The following COG5 variants were observed in gnomAD, a reference collection of about 807,000 sequenced individuals.
The protein encoded by COG5 is component of oligomeric golgi complex 5.
In COG5, 86 loss-of-function variants were observed where a neutral mutation model predicts 110.4. That is an observed-to-expected ratio of 0.78 (90% CI 0.65 to 0.93). The LOEUF (loss-of-function observed/expected upper bound fraction) is 0.93. Among genes scored for constraint, COG5 ranks in the 40% least tolerant of loss-of-function variants. The pLI, the probability that COG5 is intolerant of heterozygous loss-of-function variation, is 0.00. For missense variants in COG5, 1,077 were observed against 987.0 expected, an observed-to-expected ratio of 1.09 and a Z score of -1.22; for synonymous variants, 360 against 334.6, an observed-to-expected ratio of 1.08 and a Z score of -0.83.
At chr7:107,537,611 TA>T (rs1397806668) in intron 5 of COG5, among the ~76,000 whole-genome samples, 2 of 151,794 alleles carry the variant, frequency 1.3e-5, no homozygotes, top group Non-Finnish European at 2.9e-5. Flanking sequence ...GGGGGAGGGA[TA>T]GCATTAGAAG....
At chr7:107,391,980 A>G (rs1274349734) in intron 7 of COG5, among the ~76,000 whole-genome samples, 2 of 152,164 alleles carry the variant, frequency 1.3e-5, no homozygotes, top group Non-Finnish European at 2.9e-5. Context: ...AGTCCCAGCT[A>G]CTTGGGAGGC....
chr7:107,216,948 T>C (rs139474642), intron 19 of COG5, among the ~76,000 whole-genome samples: 12 of 152,110 alleles, frequency 7.9e-5, no homozygotes, highest in Non-Finnish European at 1.3e-4. Context: ...AAAGAGTTTT[T>C]TGAAAAGTTA....
At chr7:107,353,373 C>T (rs796107398) in intron 10 of COG5, among the ~76,000 whole-genome samples, 55 of 142,614 alleles carry the variant, frequency 3.9e-4, no homozygotes, top group African/African-American at 1.4e-3. Flanking sequence ...TGCAGTGAGC[C>T]GAGATCCCGC....
chr7:107,559,064 T>A (rs1803570583), intron 1 of COG5, among the ~76,000 whole-genome samples: 1 of 151,880 alleles, frequency 6.6e-6, no homozygotes, highest in Non-Finnish European at 1.5e-5. Context: ...TATCTCTAGA[T>A]CAATACACAA....
At chr7:107,441,483 G>C (rs1373284583) in intron 6 of COG5, among the ~76,000 whole-genome samples, 1 of 152,086 alleles carries the variant, frequency 6.6e-6, no homozygotes, top group Non-Finnish European at 1.5e-5. Context: ...GAACATAAAG[G>C]AGAGAGCAGA....
chr7:107,257,024 T>C lies in COG5; in HGVS notation c.1687-230A>G, dbSNP rs530162996. Among the ~76,000 whole-genome samples the C allele has an allele frequency of 2.0e-5, 3 of 152,272 alleles. No homozygotes were observed. The East Asian group carries it at 5.8e-4, about 29-fold the overall frequency. On this transcript the variant is annotated intron_variant, in intron 15 of 21. Transcript: ENST00000297135. The stretch of plus-strand genomic sequence containing the variant: ...TACTTCAAATAACATTAATAAATAC[T>C]AAGAGCTAGGTTTCCTTTATTCATG...
At chr7:107,347,228 A>C (rs1205933694) in intron 10 of COG5, among the ~76,000 whole-genome samples, 2 of 152,186 alleles carry the variant, frequency 1.3e-5, no homozygotes, top group Admixed American at 6.5e-5. Flanking sequence ...GTATGATCCT[A>C]ATCAGGAAAA....
At chr7:107,206,139 T>C (rs1485700452) in intron 21 of COG5, among the ~76,000 whole-genome samples, 2 of 152,104 alleles carry the variant, frequency 1.3e-5, no homozygotes, top group African/African-American at 4.8e-5. Context: ...TTTTTTGTAT[T>C]TTTAGTAGAG....
intron 7 of COG5, among the ~76,000 whole-genome samples, chr7:107,390,575 T>C (rs1052648153): frequency 6.6e-6 from 1 of 151,816 alleles, no homozygotes; most frequent in Non-Finnish European, 1.5e-5. Flanking sequence ...ACAGCAGATG[T>C]AAAGCAACTT....
At chr7:107,217,219 C>T (rs1799595154) in intron 19 of COG5, among the ~76,000 whole-genome samples, 1 of 151,746 alleles carries the variant, frequency 6.6e-6, no homozygotes, top group African/African-American at 2.4e-5. Flanking sequence ...CTGAGCAGAC[C>T]AATAATGAGT....
At chr7:107,210,113 C>T in intron 21 of COG5, 1 of 1,055,422 alleles carries the variant, frequency 9.5e-7, no homozygotes, top group Non-Finnish European at 1.1e-6. Flanking sequence ...GTTTCCTCCT[C>T]AGAACTGTTT....
chr7:107,274,780 C>G (rs977792167), intron 14 of COG5, among the ~76,000 whole-genome samples: 8 of 152,110 alleles, frequency 5.3e-5, no homozygotes, highest in Non-Finnish European at 2.9e-5. Context: ...AGACTTTGAC[C>G]TGCTTTAACT....
chr7:107,243,533 AT>A lies in COG5; in HGVS notation c.1853+4862del, dbSNP rs1357932237. The stretch of plus-strand genomic sequence containing the variant: ...TCTCAAAAAAAAAAAAAAAAAAAAA[AT>A]CTCAAAGACCTTCAAAGACTCCCAC... On this transcript the variant is annotated intron_variant, in intron 17 of 21. Transcript: ENST00000297135. 1.2e-4 allele frequency among the ~76,000 whole-genome samples: 18 copies of A among 146,880 alleles called. No homozygotes were observed. The East Asian group carries it at 3.4e-3, about 28-fold the overall frequency.
chr7:107,534,507 G>A (rs1801439394), intron 5 of COG5, among the ~76,000 whole-genome samples: 1 of 149,524 alleles, frequency 6.7e-6, no homozygotes, highest in East Asian at 1.9e-4. Context: ...AAAAAAAAGT[G>A]GGGGTTGCAA....
At chr7:107,345,683 T>C (rs1350591372) in intron 10 of COG5, among the ~76,000 whole-genome samples, 1 of 152,206 alleles carries the variant, frequency 6.6e-6, no homozygotes, top group South Asian at 2.1e-4. Context: ...ACTATTTTTG[T>C]ACTGTACACT....
rs375170450 is a variant in COG5 at position 107,360,864 on chromosome 7, C to T, written c.1026+1169G>A. Among the ~76,000 whole-genome samples, 5 of 152,302 alleles carry T rather than the reference C, an allele frequency of 3.3e-5. 1 individual carries two copies. The South Asian group carries it at 1.0e-3, about 32-fold the overall frequency. On this transcript the variant is annotated intron_variant, in intron 10 of 21. Coordinates refer to ENST00000297135, the MANE Select transcript of COG5 (RefSeq NM_006348.5). ...GGCTGGTAGTGTGAGCCAAGTGCAA[C>T]CTGCTAGGCCAAGAGGGCGGAACGA...
intron 11 of COG5, among the ~76,000 whole-genome samples, chr7:107,304,772 G>A (rs1262940156): frequency 6.6e-6 from 1 of 152,174 alleles, no homozygotes; most frequent in Admixed American, 6.5e-5. Flanking sequence ...GCCAAGAAAA[G>A]GCAGTACTCC....
intron 6 of COG5, among the ~76,000 whole-genome samples, chr7:107,508,830 GA>G (rs1232840157): frequency 1.1e-4 from 16 of 152,308 alleles, no homozygotes; most frequent in African/African-American, 3.6e-4. Flanking sequence ...ACCTGTAGCA[GA>G]GGGTCCTGTC....
At chr7:107,484,366 T>C (rs1337804966) in intron 6 of COG5, among the ~76,000 whole-genome samples, 1 of 152,220 alleles carries the variant, frequency 6.6e-6, no homozygotes, top group Non-Finnish European at 1.5e-5. Flanking sequence ...TATGATTTCT[T>C]TTTAATTTTT....
Sources: allele counts gnomAD v4.1 joint callset (sites outside exome capture counted in the v4.1 genomes callset), GRCh38; gene constraint gnomAD v4.1.1; transcripts MANE v1.5; gene names NCBI Gene and HGNC (gene_info 2026-07-23, HGNC 2026-07-21).